Variants in DAP observed in about 807,000 individuals in gnomAD.
DAP encodes death associated protein, also known as death-associated protein 1.
A neutral mutation model predicts 13.8 loss-of-function variants in DAP; 8 were observed. That is an observed-to-expected ratio of 0.58 (90% CI 0.34 to 1.05). The LOEUF (loss-of-function observed/expected upper bound fraction) is 1.05. Ranked by LOEUF, DAP falls within the 50% of genes least tolerant of loss-of-function variation. The pLI is 0.03. For synonymous variants in DAP, 47 were observed against 47.5 expected, an observed-to-expected ratio of 0.99 and a Z score of 0.04; for missense variants, 106 against 133.2, an observed-to-expected ratio of 0.80 and a Z score of 1.01.
At chr5:10,757,810 G>A (rs1206194077) in intron 1 of DAP, among the ~76,000 whole-genome samples, 2 of 152,272 alleles carry the variant, frequency 1.3e-5, no homozygotes, top group Middle Eastern at 3.4e-3. Flanking sequence ...GTTTGCTATG[G>A]GGGCAGTGAG....
intron 1 of DAP, among the ~76,000 whole-genome samples, chr5:10,752,240 A>T (rs2111393703): frequency 6.6e-6 from 1 of 152,380 alleles, no homozygotes; most frequent in South Asian, 2.1e-4. Context: ...AATTAACTTC[A>T]TTAATCCCTC....
At chr5:10,700,457 C>A (rs1463240124) in intron 2 of DAP, among the ~76,000 whole-genome samples, 4 of 152,228 alleles carry the variant, frequency 2.6e-5, no homozygotes, top group Non-Finnish European at 5.9e-5. Flanking sequence ...CTTTTCACAT[C>A]TGCTGGGACC....
In DAP at chr5:10,682,119, C is replaced by A. The variant is rs1269767266; in HGVS notation, c.196-950G>T. 2.3e-5 allele frequency among the ~76,000 whole-genome samples: 3 copies of A among 132,554 alleles called. No individual in the cohort carries two copies. The Admixed American group carries it at 2.3e-4, about 10-fold the overall frequency. The allele number at this position is 132,554 out of a possible 152,430, so 87.0% of individuals were successfully genotyped here. ...GCGTGGGGTTTGTATGTGAGGAAGT[C>A]CCAGGCCAGCACCCATCAGCGTCCC... is the stretch of plus-strand genomic sequence containing the variant. On this transcript the variant is annotated intron_variant, in intron 3 of 3. Transcript: ENST00000230895.
At chr5:10,756,044 AC>A (rs1173836761) in intron 1 of DAP, among the ~76,000 whole-genome samples, 1 of 152,234 alleles carries the variant, frequency 6.6e-6, no homozygotes, top group African/African-American at 2.4e-5. Context: ...GCTACTCAGC[AC>A]ACTGAGGCGA....
intron 2 of DAP, among the ~76,000 whole-genome samples, chr5:10,702,614 A>G (rs1478031726): frequency 6.6e-6 from 1 of 152,224 alleles, no homozygotes; most frequent in African/African-American, 2.4e-5. Flanking sequence ...TAGAGCCATG[A>G]GCTGAAGCTT....
intron 1 of DAP, among the ~76,000 whole-genome samples, chr5:10,757,827 G>C (rs1740229973): frequency 6.6e-6 from 1 of 152,156 alleles, no homozygotes; most frequent in Non-Finnish European, 1.5e-5. Context: ...TGAGGGGTGA[G>C]AAGAGGCCCT....
intron 2 of DAP, among the ~76,000 whole-genome samples, chr5:10,721,355 C>T (rs550170161): frequency 2.4e-4 from 36 of 152,222 alleles, no homozygotes; most frequent in South Asian, 8.3e-4. Flanking sequence ...AAGGGAGGAA[C>T]GCGGCTACCA....
chr5:10,739,092 C>T (rs1430372946), intron 2 of DAP, among the ~76,000 whole-genome samples: 3 of 145,356 alleles, frequency 2.1e-5, no homozygotes, highest in Non-Finnish European at 1.5e-5. Flanking sequence ...GTCCCAGCTG[C>T]TGGGGAGGCT....
At chr5:10,752,482 G>T (rs1032108030) in intron 1 of DAP, among the ~76,000 whole-genome samples, 4 of 152,192 alleles carry the variant, frequency 2.6e-5, no homozygotes, top group African/African-American at 9.7e-5. Flanking sequence ...GTATTTTTAG[G>T]AGAAACAGAA....
Position 10,726,773 on chromosome 5 carries a change from GTGAGTA to G in DAP, c.152+21396_152+21401del, listed in dbSNP as rs979934911. ...TGTGTGTGGAAAAGTGTGTGTGTGT[GTGAGTA>G]TGAGTGTTCACAACAGAAGGTGCAA... On this transcript the variant is annotated intron_variant, in intron 2 of 3. Coordinates refer to ENST00000230895, the MANE Select transcript of DAP (RefSeq NM_004394.3). Among the ~76,000 whole-genome samples, 7 of 151,652 alleles carry G rather than the reference GTGAGTA, an allele frequency of 4.6e-5. 1 individual carries two copies. The highest frequency in any genetic ancestry group is 4.1e-4 in the South Asian group (2 of 4,832).
intron 2 of DAP, among the ~76,000 whole-genome samples, chr5:10,701,850 GAC>G (rs1158648780): frequency 1.3e-5 from 2 of 152,176 alleles, no homozygotes; most frequent in African/African-American, 2.4e-5. Flanking sequence ...TCCAAGCTGA[GAC>G]ACAGAATTCT....
chr5:10,689,195 G>A (rs1307710460), intron 2 of DAP, among the ~76,000 whole-genome samples: 2 of 152,166 alleles, frequency 1.3e-5, no homozygotes, highest in African/African-American at 2.4e-5. Context: ...AAACACACAC[G>A]GAAGCTGAGG....
At chr5:10,758,444 T>G (rs905945652) in intron 1 of DAP, among the ~76,000 whole-genome samples, 2 of 123,600 alleles carry the variant, frequency 1.6e-5, no homozygotes, top group African/African-American at 3.1e-5. Flanking sequence ...CTGCTGGCAT[T>G]TGAGGGGTGC....
intron 1 of DAP, among the ~76,000 whole-genome samples, chr5:10,753,273 G>A (rs1474244329): frequency 1.3e-5 from 2 of 152,244 alleles, no homozygotes; most frequent in African/African-American, 4.8e-5. Flanking sequence ...AAATCGCACA[G>A]CTGGCAAGCG....
chr5:10,752,978 CT>C (rs961729066), intron 1 of DAP, among the ~76,000 whole-genome samples: 31 of 152,348 alleles, frequency 2.0e-4, no homozygotes, highest in African/African-American at 7.5e-4. Flanking sequence ...TCTTCACCCT[CT>C]CTTCACAGCA....
chr5:10,750,686 TC>T (rs1383247042), intron 1 of DAP, among the ~76,000 whole-genome samples: 4 of 152,240 alleles, frequency 2.6e-5, no homozygotes, highest in Non-Finnish European at 4.4e-5. Flanking sequence ...ATATATTTAA[TC>T]ATTTTAGTTG....
chr5:10,712,922 T>C (rs1327600084), intron 2 of DAP, among the ~76,000 whole-genome samples: 4 of 152,110 alleles, frequency 2.6e-5, no homozygotes, highest in South Asian at 4.1e-4. Context: ...GGGGCTCCTA[T>C]TGAAGTGGGG....
At chr5:10,691,946 T>C in intron 2 of DAP, among the ~76,000 whole-genome samples, 1 of 152,212 alleles carries the variant, frequency 6.6e-6, no homozygotes, top group Non-Finnish European at 1.5e-5. Flanking sequence ...CTATTACTTA[T>C]TTTCTAAATT....
At chr5:10,737,239 G>A (rs1352567215) in intron 2 of DAP, among the ~76,000 whole-genome samples, 1 of 151,920 alleles carries the variant, frequency 6.6e-6, no homozygotes, top group Non-Finnish European at 1.5e-5. Flanking sequence ...CCAGCTACTC[G>A]GGAGGCTGAG....
Sources: allele counts gnomAD v4.1 joint callset (sites outside exome capture counted in the v4.1 genomes callset), GRCh38; gene constraint gnomAD v4.1.1; transcripts MANE v1.5; gene names NCBI Gene and HGNC (gene_info 2026-07-23, HGNC 2026-07-21).